The following TAOK3 variants were observed in gnomAD, a reference collection of about 807,000 sequenced individuals.
TAOK3 encodes the protein TAO kinase 3, also known as serine/threonine-protein kinase TAO3.
Under a neutral mutation model 120.4 loss-of-function variants are expected in TAOK3, and 40 were observed. The ratio of observed to expected loss-of-function variants is 0.33; its 90% CI spans 0.26 to 0.43. TAOK3 has a LOEUF of 0.43. Ranked by LOEUF, TAOK3 falls within the 20% of genes least tolerant of loss-of-function variation. The probability of loss-of-function intolerance (pLI) is 1.00; values close to 1 mark genes in which losing one functional copy is unlikely to be tolerated. For missense variants in TAOK3, 821 were observed against 1,112.1 expected (o/e 0.74, Z 3.72); for synonymous variants, 355 against 387.5 (o/e 0.92, Z 0.99).
chr12:118,181,251 G>C, intron 15 of TAOK3, 120 bp downstream of exon 15: 1 of 819,888 alleles, frequency 1.2e-6, no homozygotes, highest in Non-Finnish European at 2.0e-6. Flanking sequence ...ACCCAATTTT[G>C]CCACCCCGGA....
At chr12:118,220,729 G>A (rs1423486194) in intron 9 of TAOK3, among the ~76,000 whole-genome samples, 1 of 152,086 alleles carries the variant, frequency 6.6e-6, no homozygotes, top group African/African-American at 2.4e-5. Context: ...GAGAAGGCCT[G>A]TAAGTAGCAA....
chr12:118,212,307 G>T (rs2038673989), intron 11 of TAOK3, among the ~76,000 whole-genome samples: 1 of 152,180 alleles, frequency 6.6e-6, no homozygotes, highest in African/African-American at 2.4e-5. Context: ...TACTGTAAAA[G>T]ATTTCCACAT....
chr12:118,301,166 C>A (rs2042867265), intron 1 of TAOK3, among the ~76,000 whole-genome samples: 1 of 152,134 alleles, frequency 6.6e-6, no homozygotes, highest in South Asian at 2.1e-4. Flanking sequence ...ACAATTTTTG[C>A]CTTTTCCACA....
At chr12:118,321,115 CTA>C (rs1456053387) in intron 1 of TAOK3, among the ~76,000 whole-genome samples, 2 of 151,874 alleles carry the variant, frequency 1.3e-5, no homozygotes, top group African/African-American at 4.8e-5. Flanking sequence ...CTTATAGTGG[CTA>C]TATGTTAGGG....
At chr12:118,281,331 T>C (rs955469055) in intron 1 of TAOK3, among the ~76,000 whole-genome samples, 9 of 152,200 alleles carry the variant, frequency 5.9e-5, no homozygotes, top group African/African-American at 1.9e-4. Context: ...TCGTCATAGA[T>C]GGCCCTATAA....
intron 11 of TAOK3, among the ~76,000 whole-genome samples, chr12:118,210,500 AT>A (rs1262018642): frequency 6.6e-6 from 1 of 151,964 alleles, no homozygotes; most frequent in East Asian, 1.9e-4. Context: ...GCTTGTATGA[AT>A]CTTTCTTTAT....
chr12:118,255,928 CA>C, intron 2 of TAOK3: 1 of 156,214 alleles, frequency 6.4e-6, no homozygotes, highest in East Asian at 1.9e-4. Context: ...ACTAAAAATA[CA>C]AAAAATTAGC....
chr12:118,169,932 A>G (rs795473), intron 17 of TAOK3, among the ~76,000 whole-genome samples: 55,748 of 151,684 alleles, frequency 0.37, 10,726 homozygotes, highest in Non-Finnish European at 0.42. Flanking sequence ...CATGTTAGCC[A>G]GGATGGTCTC....
chr12:118,336,273 A>C (rs868312266), intron 1 of TAOK3, among the ~76,000 whole-genome samples: 1 of 152,282 alleles, frequency 6.6e-6, no homozygotes, highest in East Asian at 1.9e-4. Flanking sequence ...TAAAGAAAGA[A>C]CCCAGAAATA....
At chr12:118,246,376 T>G in intron 3 of TAOK3, 2 of 1,592,290 alleles carry the variant, frequency 1.3e-6, no homozygotes, top group Middle Eastern at 1.8e-4. Context: ...GATTTCTTCC[T>G]GGGGGCCTCT....
chr12:118,293,705 C>G (rs2042569888), intron 1 of TAOK3, among the ~76,000 whole-genome samples: 1 of 148,222 alleles, frequency 6.7e-6, no homozygotes, highest in Non-Finnish European at 1.5e-5. Context: ...GCCACATAAG[C>G]AAATAATGAT....
chr12:118,150,755 T>C lies in TAOK3; in HGVS notation c.*242A>G, dbSNP rs1260006039. 2.0e-6 allele frequency: 1 copy of C among 492,970 alleles called. No homozygotes were observed. Among genetic ancestry groups the C allele is most frequent in the Non-Finnish European group, 3.6e-6 (1 of 279,276 alleles). The allele number at this position is 492,970 out of a possible 1,614,324, so 30.5% of individuals were successfully genotyped here. Reference sequence around the variant, plus strand: ...TGAATCACATCAATACTGTGACGTGTACTGTGAATAGAAGAGACGGCCAGG... The same window carrying C: ...TGAATCACATCAATACTGTGACGTGCACTGTGAATAGAAGAGACGGCCAGG... On this transcript the variant is annotated 3_prime_UTR_variant, in exon 21 of 21. Coordinates refer to ENST00000392533, the MANE Select transcript of TAOK3 (RefSeq NM_016281.4).
intron 1 of TAOK3, among the ~76,000 whole-genome samples, chr12:118,364,191 G>A (rs1330522169): frequency 6.6e-6 from 1 of 152,114 alleles, no homozygotes; most frequent in Non-Finnish European, 1.5e-5. Context: ...ACTGAGTTTG[G>A]TAGGTCATGG....
chr12:118,177,812 G>T (rs2138793882), intron 15 of TAOK3, among the ~76,000 whole-genome samples: 1 of 151,258 alleles, frequency 6.6e-6, no homozygotes, highest in Non-Finnish European at 1.5e-5. Flanking sequence ...AACAAGAGCA[G>T]AACTCTGTCT....
At chr12:118,299,632 C>G (rs898663267) in intron 1 of TAOK3, among the ~76,000 whole-genome samples, 1 of 152,108 alleles carries the variant, frequency 6.6e-6, no homozygotes, top group Non-Finnish European at 1.5e-5. Flanking sequence ...GTCTCGGCCT[C>G]CCCACTAGCT....
chr12:118,243,781 C>A (rs1209649681), intron 4 of TAOK3, among the ~76,000 whole-genome samples: 4 of 152,092 alleles, frequency 2.6e-5, no homozygotes, highest in Non-Finnish European at 5.9e-5. Context: ...GTTCAAGGTT[C>A]AAGTGATTCT....
chr12:118,165,036 AC>A (rs1302973995), intron 17 of TAOK3, among the ~76,000 whole-genome samples: 1 of 152,174 alleles, frequency 6.6e-6, no homozygotes, highest in African/African-American at 2.4e-5. Context: ...CCCCTCAGCG[AC>A]CTTATAAGGA....
intron 1 of TAOK3, among the ~76,000 whole-genome samples, chr12:118,316,844 A>G (rs2043483329): frequency 6.6e-6 from 1 of 152,202 alleles, no homozygotes. Context: ...ATATACTGGC[A>G]ATGAACAATC....
chr12:118,297,044 T>G (rs1047904970), intron 1 of TAOK3: 1 of 152,308 alleles, frequency 6.6e-6, no homozygotes, highest in Non-Finnish European at 1.5e-5. Flanking sequence ...TTATCTTATC[T>G]CTCCGGTCCT....
Sources: gnomAD v4.1 joint callset for allele counts (sites outside exome capture counted in the v4.1 genomes callset) on GRCh38, gnomAD v4.1.1 for gene constraint, MANE v1.5 for transcripts, NCBI Gene and HGNC (gene_info 2026-07-23, HGNC 2026-07-21) for gene names.